ARL15: variants seen among roughly 807,000 people sequenced by gnomAD.
The protein encoded by ARL15 is ADP-ribosylation factor-like protein 15.
In ARL15, 19 loss-of-function variants were observed where a neutral mutation model predicts 25.2. The ratio of observed to expected loss-of-function variants is 0.75; its 90% CI spans 0.53 to 1.10. The LOEUF (loss-of-function observed/expected upper bound fraction) is 1.10, where lower values mean the gene tolerates loss of function less well. Ranked by LOEUF, ARL15 falls within the 50% of genes least tolerant of loss-of-function variation. The probability of loss-of-function intolerance (pLI) is 0.00; values close to 1 mark genes in which losing one functional copy is unlikely to be tolerated. For synonymous variants in ARL15, 94 were observed against 86.8 expected (o/e 1.08, Z -0.46); for missense variants, 220 against 246.0 (o/e 0.89, Z 0.71).
intron 3 of ARL15, 133 bp downstream of exon 3, chr5:54,154,447 G>A (rs1754160026): frequency 3.3e-6 from 2 of 612,338 alleles, no homozygotes; most frequent in East Asian, 3.4e-5. Context: ...ATATTTCTAG[G>A]AAATATATTA....
chr5:54,144,258 C>T (rs1345743483), intron 3 of ARL15, among the ~76,000 whole-genome samples: 2 of 151,252 alleles, frequency 1.3e-5, no homozygotes, highest in African/African-American at 4.9e-5. Context: ...TAATTTTGTC[C>T]TTTCCAGTTT....
At chr5:53,932,508 GA>G (rs1457698106) in intron 4 of ARL15, among the ~76,000 whole-genome samples, 1 of 152,194 alleles carries the variant, frequency 6.6e-6, no homozygotes, top group East Asian at 1.9e-4. Context: ...AAGCAAGGAA[GA>G]AAAAAACCTT....
intron 1 of ARL15, among the ~76,000 whole-genome samples, chr5:54,263,978 T>C (rs1016567899): frequency 2.0e-5 from 3 of 152,098 alleles, no homozygotes; most frequent in Admixed American, 1.3e-4. Context: ...CTCTCCATTT[T>C]TACCTCTACC....
intron 4 of ARL15, among the ~76,000 whole-genome samples, chr5:54,057,295 A>G (rs1256693439): frequency 6.6e-6 from 1 of 152,204 alleles, no homozygotes; most frequent in Admixed American, 6.5e-5. Flanking sequence ...CCTGGAGCAG[A>G]GCTGAAGAAA....
chr5:54,302,074 C>A lies in ARL15; in HGVS notation c.48+8358G>T, dbSNP rs1758628880. ...GAAAGCAAAATCAGTGAGCAGACTC[C>A]CGCCTCAAACACAAACCCACACAAC... On this transcript the variant is annotated intron_variant, in intron 1 of 4. Transcript: ENST00000504924. Among the ~76,000 whole-genome samples, 6 of 152,156 alleles carry A rather than the reference C, an allele frequency of 3.9e-5. No homozygotes were observed. The South Asian group carries it at 1.2e-3, about 32-fold the overall frequency.
At chr5:54,038,708 C>T (rs1022406232) in intron 4 of ARL15, among the ~76,000 whole-genome samples, 1 of 151,346 alleles carries the variant, frequency 6.6e-6, no homozygotes, top group African/African-American at 2.4e-5. Context: ...ATAAAACAGA[C>T]TGGTCTTATT....
chr5:53,941,455 C>T (rs946601690), intron 4 of ARL15, among the ~76,000 whole-genome samples: 41 of 152,086 alleles, frequency 2.7e-4, no homozygotes, highest in African/African-American at 9.2e-4. Flanking sequence ...TAAAAATAAA[C>T]GAAGCAAGGA....
chr5:53,930,248 A>T (rs974803746), intron 4 of ARL15, among the ~76,000 whole-genome samples: 2 of 152,180 alleles, frequency 1.3e-5, no homozygotes, highest in African/African-American at 4.8e-5. Flanking sequence ...CACACTTTTT[A>T]TTATTTTATC....
chr5:54,286,034 T>C (rs1312175622), intron 1 of ARL15, among the ~76,000 whole-genome samples: 1 of 152,212 alleles, frequency 6.6e-6, no homozygotes, highest in Admixed American at 6.5e-5. Context: ...GTTAGTATTG[T>C]CACTGAAAAC....
intron 1 of ARL15, among the ~76,000 whole-genome samples, chr5:54,204,427 A>C (rs1016620199): frequency 7.2e-5 from 11 of 152,200 alleles, no homozygotes; most frequent in African/African-American, 2.7e-4. Context: ...CCAGTCTTAA[A>C]CTGTCATAAA....
At chr5:54,133,630 A>C (rs1313097794) in intron 3 of ARL15, among the ~76,000 whole-genome samples, 1 of 152,206 alleles carries the variant, frequency 6.6e-6, no homozygotes, top group Non-Finnish European at 1.5e-5. Flanking sequence ...GAAGGATAAG[A>C]AAACAATGAC....
At chr5:54,298,085 A>G (rs1330924050) in intron 1 of ARL15, among the ~76,000 whole-genome samples, 2 of 152,112 alleles carry the variant, frequency 1.3e-5, no homozygotes, top group Non-Finnish European at 2.9e-5. Context: ...GAAAGTAGAA[A>G]TCTTCTACTT....
chr5:54,066,705 C>G (rs1471442041), intron 4 of ARL15, among the ~76,000 whole-genome samples: 1 of 152,068 alleles, frequency 6.6e-6, no homozygotes, highest in Non-Finnish European at 1.5e-5. Context: ...TCCTACAACG[C>G]ATAAAACTAC....
chr5:53,946,455 GAAAAAAAAAAAAAAA>G lies in ARL15; in HGVS notation c.463-59757_463-59743del, dbSNP rs55727717. Among the ~76,000 whole-genome samples, 10 of 43,958 alleles carry G rather than the reference GAAAAAAAAAAAAAAA, an allele frequency of 2.3e-4. No homozygotes were observed. In the South Asian group the frequency reaches 4.4e-3, roughly 19 times the overall value. The allele number at this position is 43,958 out of a possible 152,430, so 28.8% of individuals were successfully genotyped here. ...ACAGAGCAAGACTCGGTCTCAAGAG[GAAAAAAAAAAAAAAA>G]AAAAAAAAAAGACATAATAAAGCCA... On this transcript the variant is annotated intron_variant, in intron 4 of 4. Transcript: ENST00000504924.
intron 4 of ARL15, among the ~76,000 whole-genome samples, chr5:53,960,468 C>A (rs981511665): frequency 6.6e-6 from 1 of 152,118 alleles, no homozygotes; most frequent in Non-Finnish European, 1.5e-5. Context: ...CTAACTTAAT[C>A]TAAGGATAGA....
chr5:54,277,170 A>T (rs2112659234), intron 1 of ARL15, among the ~76,000 whole-genome samples: 1 of 152,196 alleles, frequency 6.6e-6, no homozygotes, highest in South Asian at 2.1e-4. Context: ...TCTTATTAAT[A>T]ATATTGTTAC....
At chr5:54,054,657 G>C (rs983534663) in intron 4 of ARL15, among the ~76,000 whole-genome samples, 2 of 152,134 alleles carry the variant, frequency 1.3e-5, no homozygotes, top group African/African-American at 4.8e-5. Flanking sequence ...GGGCGTGGCA[G>C]CGTGCGCCTG....
At chr5:54,075,022 C>CAGAAAA (rs1334885699) in intron 4 of ARL15, among the ~76,000 whole-genome samples, 133 of 111,282 alleles carry the variant, frequency 1.2e-3, no homozygotes, top group African/African-American at 4.0e-3. Context: ...GAAACACTCA[C>CAGAAAA]AGAAAAACCC....
intron 4 of ARL15, among the ~76,000 whole-genome samples, chr5:54,102,208 C>T (rs1411805026): frequency 2.0e-5 from 3 of 152,014 alleles, no homozygotes; most frequent in African/African-American, 7.2e-5. Flanking sequence ...GAATGGGTTT[C>T]ACCATGTCGG....
Sources: allele counts gnomAD v4.1 joint callset (sites outside exome capture counted in the v4.1 genomes callset), GRCh38; gene constraint gnomAD v4.1.1; transcripts MANE v1.5; gene names NCBI Gene and HGNC (gene_info 2026-07-23, HGNC 2026-07-21).